Variants in RASA1 observed in about 807,000 individuals in gnomAD.
RASA1 encodes the protein RAS p21 protein activator 1, also known as ras GTPase-activating protein 1.
RASA1 carries 25 observed loss-of-function variants against 132.2 expected under a neutral mutation model. That is an observed-to-expected ratio of 0.19 (90% CI 0.14 to 0.26). The LOEUF (loss-of-function observed/expected upper bound fraction) is 0.26, where lower values mean the gene tolerates loss of function less well. Ranked by LOEUF, RASA1 falls within the 10% of genes least tolerant of loss-of-function variation. The probability of loss-of-function intolerance (pLI) is 1.00; values close to 1 mark genes in which losing one functional copy is unlikely to be tolerated. For missense variants in RASA1, 964 were observed against 1,299.2 expected (o/e 0.74, Z 3.97); for synonymous variants, 477 against 449.9 (o/e 1.06, Z -0.76).
intron 1 of RASA1, among the ~76,000 whole-genome samples, chr5:87,320,456 A>G (rs1054508851): frequency 1.3e-4 from 20 of 152,220 alleles, no homozygotes; most frequent in East Asian, 9.6e-4. Flanking sequence ...TAGGCTGTAC[A>G]GGAGTCATGG....
chr5:87,335,002 T>C (rs934714969), intron 4 of RASA1, among the ~76,000 whole-genome samples: 4 of 152,052 alleles, frequency 2.6e-5, no homozygotes, highest in Non-Finnish European at 5.9e-5. Context: ...TTTGCCTCGG[T>C]CTTCTGAGCA....
In RASA1 at chr5:87,268,526, G is replaced by A. The variant is rs529924262; in HGVS notation, c.75G>A (p.Ala25=). 4.0e-5 allele frequency: 64 copies of A among 1,587,760 alleles called. No individual in the cohort carries two copies. The highest frequency in any genetic ancestry group is 3.5e-4 in the Admixed American group (19 of 54,876). Residue 25 remains alanine, a synonymous_variant, in exon 1 of 25, where the codon GCG becomes GCA. Coordinates refer to ENST00000274376, the MANE Select transcript of RASA1 (RefSeq NM_002890.3). ...TAGAGGGGAA[A]GSSAYPAVCR... Reference sequence around the variant, plus strand: ...GAGCTGGAGGAGGCGGCGCGGCAGCGGGCTCCAGTGCCTATCCCGCAGTGT... The same window carrying A: ...GAGCTGGAGGAGGCGGCGCGGCAGCAGGCTCCAGTGCCTATCCCGCAGTGT...
At chr5:87,348,062 A>G (rs1440017299) in intron 7 of RASA1, among the ~76,000 whole-genome samples, 1 of 152,052 alleles carries the variant, frequency 6.6e-6, no homozygotes, top group South Asian at 2.1e-4. Context: ...TTCCTATCAT[A>G]TTCTAGAAGA....
At chr5:87,317,183 G>A (rs985755436) in intron 1 of RASA1, among the ~76,000 whole-genome samples, 1 of 152,030 alleles carries the variant, frequency 6.6e-6, no homozygotes, top group African/African-American at 2.4e-5. Flanking sequence ...GCGCCTGGCG[G>A]ATACCACAAA....
chr5:87,310,311 A>C (rs1001329569), intron 1 of RASA1, among the ~76,000 whole-genome samples: 5 of 152,222 alleles, frequency 3.3e-5, no homozygotes, highest in African/African-American at 4.8e-5. Context: ...ACTAATCAAA[A>C]GAGACTAGAA....
At chr5:87,286,989 C>T (rs369135031) in intron 1 of RASA1, among the ~76,000 whole-genome samples, 105 of 144,644 alleles carry the variant, frequency 7.3e-4, no homozygotes, top group African/African-American at 2.4e-3. Context: ...ACCATATATA[C>T]ACACCATATA....
In RASA1 at chr5:87,268,366, C is replaced by G. The variant is rs950115435; in HGVS notation, c.-86C>G. The G allele has an allele frequency of 1.9e-5, 27 of 1,420,656 alleles. No individual in the cohort carries two copies. In the South Asian group the frequency reaches 3.5e-4, roughly 18 times the overall value. 88.0% of individuals were successfully genotyped at this position (1,420,656 alleles called of 1,614,324 possible). Reference sequence around the variant, plus strand: ...CTGGGGAGCTGAAGGGGAGACGCGTCTGGGTGGGGCTGCTCGGAGCCCGGG... The same window carrying G: ...CTGGGGAGCTGAAGGGGAGACGCGTGTGGGTGGGGCTGCTCGGAGCCCGGG... On this transcript the variant is annotated 5_prime_UTR_variant, in exon 1 of 25. Transcript: ENST00000274376.
At chr5:87,381,352 C>G (rs906367082) in intron 20 of RASA1, among the ~76,000 whole-genome samples, 6 of 152,164 alleles carry the variant, frequency 3.9e-5, no homozygotes, top group African/African-American at 1.4e-4. Context: ...TTTTGTTAAG[C>G]ATACTCCAAC....
In RASA1 at chr5:87,283,592, T is replaced by C. The variant is rs141120663; in HGVS notation, c.539+14602T>C. On this transcript the variant is annotated intron_variant, in intron 1 of 24. Coordinates refer to ENST00000274376, the MANE Select transcript of RASA1 (RefSeq NM_002890.3). Reference sequence around the variant, plus strand: ...GTTAAGTTTTTGTATATTATATATATCTAAAATACATCTGTATATATCCCT... The same window carrying C: ...GTTAAGTTTTTGTATATTATATATACCTAAAATACATCTGTATATATCCCT... Among the ~76,000 whole-genome samples, 14 of 152,188 alleles carry C rather than the reference T, an allele frequency of 9.2e-5. No homozygotes were observed. In the East Asian group the frequency reaches 2.5e-3, roughly 27 times the overall value.
At chr5:87,295,376 T>C (rs1755073437) in intron 1 of RASA1, among the ~76,000 whole-genome samples, 1 of 151,948 alleles carries the variant, frequency 6.6e-6, no homozygotes, top group Non-Finnish European at 1.5e-5. Context: ...TTTCTTACGA[T>C]TTTCTATTTG....
intron 1 of RASA1, among the ~76,000 whole-genome samples, chr5:87,312,210 A>G (rs575026584): frequency 1.3e-5 from 2 of 152,344 alleles, no homozygotes; most frequent in South Asian, 2.1e-4. Flanking sequence ...CATTTAACTT[A>G]TATGTAACTT....
intron 1 of RASA1, among the ~76,000 whole-genome samples, chr5:87,308,008 C>A (rs13362486): frequency 0.43 from 64,922 of 151,806 alleles, 13,812 homozygotes; most frequent in East Asian, 0.5. Context: ...TGCAGTCTTT[C>A]CTTAGCTTCT....
intron 12 of RASA1, 89 bp from the exon 13 acceptor site, chr5:87,372,029 T>C (rs546745423): frequency 9.8e-7 from 1 of 1,021,586 alleles, no homozygotes; most frequent in South Asian, 1.5e-5. Context: ...AGGAAAAAAT[T>C]GTTGAATTTG....
chr5:87,306,416 G>A (rs1755614092), intron 1 of RASA1, among the ~76,000 whole-genome samples: 1 of 152,090 alleles, frequency 6.6e-6, no homozygotes. Context: ...GGAGCTGAAT[G>A]ATCTGAACAC....
intron 1 of RASA1, among the ~76,000 whole-genome samples, chr5:87,292,074 T>C (rs1461258420): frequency 3.3e-5 from 5 of 152,384 alleles, no homozygotes; most frequent in East Asian, 1.9e-4. Context: ...AACAGTCCTT[T>C]ACCAGATGTG....
chr5:87,277,582 T>A (rs574947186), intron 1 of RASA1, among the ~76,000 whole-genome samples: 7 of 152,260 alleles, frequency 4.6e-5, no homozygotes, highest in Admixed American at 3.9e-4. Flanking sequence ...TAGTTCAATT[T>A]CCAGCATGCA....
At chr5:87,299,035 C>T (rs568704611) in intron 1 of RASA1, among the ~76,000 whole-genome samples, 215 of 152,256 alleles carry the variant, frequency 1.4e-3, no homozygotes, top group South Asian at 3.9e-3. Flanking sequence ...ATTAATGGAA[C>T]GCTAAGCATC....
chr5:87,298,336 G>A (rs1355524053), intron 1 of RASA1, among the ~76,000 whole-genome samples: 1 of 151,450 alleles, frequency 6.6e-6, no homozygotes, highest in African/African-American at 2.4e-5. Context: ...GTGAGCCAGG[G>A]AGGCGGAGCT....
At chr5:87,367,136 CTT>C (rs1760586758) in intron 11 of RASA1, among the ~76,000 whole-genome samples, 2 of 152,010 alleles carry the variant, frequency 1.3e-5, no homozygotes, top group Admixed American at 1.3e-4. Flanking sequence ...TAGAGAAGCA[CTT>C]AGTGAGAAAG....
Sources: gnomAD v4.1 joint callset for allele counts (sites outside exome capture counted in the v4.1 genomes callset) on GRCh38, gnomAD v4.1.1 for gene constraint, MANE v1.5 for transcripts, NCBI Gene and HGNC (gene_info 2026-07-23, HGNC 2026-07-21) for gene names.